Variants in NBAS observed in about 807,000 individuals in gnomAD.
NBAS encodes the protein NBAS subunit of NRZ tethering complex.
A neutral mutation model predicts 302.5 loss-of-function variants in NBAS; 219 were observed. The observed-to-expected ratio is 0.72, with a 90% CI of 0.65 to 0.81. The LOEUF is 0.81. Ranked by LOEUF, NBAS falls within the 30% of genes least tolerant of loss-of-function variation. NBAS has a pLI of 0.00. For synonymous variants in NBAS, 1,118 were observed against 1,021.6 expected (o/e 1.09, Z -1.80); for missense variants, 2,932 against 2,841.6 (o/e 1.03, Z -0.72).
At chr2:14,826,030 T>G in the NBAS span, among the ~76,000 whole-genome samples, 1 of 152,238 alleles carries the variant, frequency 6.6e-6, no homozygotes, top group Non-Finnish European at 1.5e-5. Flanking sequence ...TTAGTACCCA[T>G]GAGACCATAA....
At chr2:15,152,298 G>A in the NBAS span, among the ~76,000 whole-genome samples, 3,214 of 152,286 alleles carry the variant, frequency 0.021, 123 homozygotes, top group African/African-American at 0.073. Flanking sequence ...AGTGGCGTCC[G>A]TACCCAAGAT....
chr2:15,032,087 T>A, the NBAS span, among the ~76,000 whole-genome samples: 1 of 152,140 alleles, frequency 6.6e-6, no homozygotes, highest in Admixed American at 6.5e-5. Flanking sequence ...CACTCTAAAA[T>A]CCCCAGGGGT....
the NBAS span, among the ~76,000 whole-genome samples, chr2:14,834,670 G>A: frequency 6.6e-6 from 1 of 152,104 alleles, no homozygotes; most frequent in Non-Finnish European, 1.5e-5. Context: ...GGAGGTAGGA[G>A]AGGGGGGAAG....
the NBAS span, among the ~76,000 whole-genome samples, chr2:15,001,528 T>C: frequency 6.6e-6 from 1 of 152,182 alleles, no homozygotes; most frequent in South Asian, 2.1e-4. Context: ...ATTACAAATA[T>C]AGTTATATTA....
chr2:15,427,702 C>T lies in NBAS; in HGVS notation c.2423+9G>A. 2 of 1,601,526 alleles carry T rather than the reference C, an allele frequency of 1.2e-6. No homozygotes were observed. Among genetic ancestry groups the T allele is most frequent in the Non-Finnish European group, 1.7e-6 (2 of 1,170,652 alleles). Reference sequence around the variant, plus strand: ...GAAACAAAGATGCCTCCTGCAGGCTCATACTGACCTGCAAGCCAACTCCTC... The same window carrying T: ...GAAACAAAGATGCCTCCTGCAGGCTTATACTGACCTGCAAGCCAACTCCTC... On this transcript the variant is annotated intron_variant, in intron 22 of 51. Coordinates refer to ENST00000281513, the MANE Select transcript of NBAS (RefSeq NM_015909.4).
rs780541764 is a variant in NBAS, at chr2:15,292,757, T to C, written c.4807A>G (p.Lys1603Glu). Residue 1603 changes from lysine to glutamate, a missense_variant, in exon 41 of 52, where the codon AAA (lysine) becomes GAA (glutamate). Coordinates refer to ENST00000281513, the MANE Select transcript of NBAS (RefSeq NM_015909.4). ...KCHPLYRADP[K>E]ELIKMVTRHV... ...CTGGTGACCATCTTGATTAGTTCTT[T>C]GGGATCAGCCTATGAAAGACATGGA... is the stretch of plus-strand genomic sequence containing the variant. The C allele has an allele frequency of 3.7e-6, 6 of 1,614,202 alleles. No homozygotes were observed. Among genetic ancestry groups the C allele is most frequent in the Non-Finnish European group, 5.1e-6 (6 of 1,180,036 alleles).
chr2:14,926,601 TACC>T, the NBAS span, among the ~76,000 whole-genome samples: 1 of 152,320 alleles, frequency 6.6e-6, no homozygotes, highest in East Asian at 1.9e-4. Flanking sequence ...ACATAAAATT[TACC>T]ACGTTAGCCA....
chr2:15,217,568 T>C (rs1666708409), intron 48 of NBAS, among the ~76,000 whole-genome samples: 1 of 152,238 alleles, frequency 6.6e-6, no homozygotes, highest in Non-Finnish European at 1.5e-5. Context: ...AGGAAACTCT[T>C]TTGCAATGGG....
chr2:15,133,808 A>T, the NBAS span, among the ~76,000 whole-genome samples: 3 of 152,294 alleles, frequency 2.0e-5, no homozygotes, highest in South Asian at 6.2e-4. Context: ...TACTTTCTCA[A>T]CTGAGAGTGA....
At chr2:15,501,648 G>A (rs574924113) in intron 11 of NBAS, among the ~76,000 whole-genome samples, 1 of 144,092 alleles carries the variant, frequency 6.9e-6, no homozygotes, top group African/African-American at 2.6e-5. Flanking sequence ...GGAGTGCAGT[G>A]GCAGGATCTC....
the NBAS span, among the ~76,000 whole-genome samples, chr2:14,783,179 G>C: frequency 6.6e-6 from 1 of 152,232 alleles, no homozygotes; most frequent in African/African-American, 2.4e-5. Context: ...ATCTGATAAT[G>C]AAATGGCAAA....
At chr2:15,154,761 A>G in the NBAS span, among the ~76,000 whole-genome samples, 1 of 151,930 alleles carries the variant, frequency 6.6e-6, no homozygotes, top group African/African-American at 2.4e-5. Flanking sequence ...AGCACCACAC[A>G]CCCTGGACAA....
chr2:15,241,898 G>A (rs1006246296), intron 44 of NBAS, among the ~76,000 whole-genome samples: 1 of 152,140 alleles, frequency 6.6e-6, no homozygotes. Flanking sequence ...ATTGTAACTC[G>A]AACCCTAAGC....
At chr2:15,281,232 G>A (rs1222945007) in intron 42 of NBAS, among the ~76,000 whole-genome samples, 1 of 152,134 alleles carries the variant, frequency 6.6e-6, no homozygotes, top group Non-Finnish European at 1.5e-5. Flanking sequence ...TATCCCTAAA[G>A]CCTTTTAATT....
chr2:15,128,874 C>T, the NBAS span, among the ~76,000 whole-genome samples: 2 of 152,170 alleles, frequency 1.3e-5, no homozygotes, highest in African/African-American at 4.8e-5. Context: ...TCACAGGAAT[C>T]CCACAGAAAG....
At chr2:15,215,071 A>C (rs982045524) in intron 48 of NBAS, among the ~76,000 whole-genome samples, 12 of 152,280 alleles carry the variant, frequency 7.9e-5, no homozygotes, top group African/African-American at 2.9e-4. Context: ...GTTAGCTAGA[A>C]AATTACAAAA....
the NBAS span, among the ~76,000 whole-genome samples, chr2:14,979,789 G>C: frequency 6.6e-6 from 1 of 152,106 alleles, no homozygotes; most frequent in Admixed American, 6.5e-5. Flanking sequence ...ACACTCCCAG[G>C]ACACGGAATA....
chr2:15,044,349 G>T, the NBAS span, among the ~76,000 whole-genome samples: 31 of 152,318 alleles, frequency 2.0e-4, no homozygotes, highest in African/African-American at 7.5e-4. Flanking sequence ...TGAACTCCCA[G>T]CTCAGAAACC....
rs1386241373 is a variant in NBAS, at chr2:15,185,113, A to G, written c.6711+1629T>C. On this transcript the variant is annotated intron_variant, in intron 50 of 51. Transcript: ENST00000281513. ...GAAGGATTCCTTTCTCAAGCTTTCA[A>G]GCACAGAGACTTGATTTGAAGATCA... is the stretch of plus-strand genomic sequence containing the variant. 2.0e-5 allele frequency among the ~76,000 whole-genome samples: 3 copies of G among 152,218 alleles called. No homozygotes were observed. In the East Asian group the frequency reaches 5.8e-4, roughly 29 times the overall value.
Sources: gnomAD v4.1 joint callset for allele counts (sites outside exome capture counted in the v4.1 genomes callset) on GRCh38, gnomAD v4.1.1 for gene constraint, MANE v1.5 for transcripts, NCBI Gene and HGNC (gene_info 2026-07-23, HGNC 2026-07-21) for gene names.